Variants in GRIN2A observed in about 807,000 individuals in gnomAD.
The protein encoded by GRIN2A is glutamate receptor ionotropic, NMDA 2A.
Under a neutral mutation model 113.4 loss-of-function variants are expected in GRIN2A, and 22 were observed. The observed-to-expected ratio is 0.19, with a 90% CI of 0.14 to 0.28. The LOEUF (loss-of-function observed/expected upper bound fraction) is 0.28. Among genes scored for constraint, GRIN2A ranks in the 10% least tolerant of loss-of-function variants. The probability of loss-of-function intolerance (pLI) is 1.00; values close to 1 mark genes in which losing one functional copy is unlikely to be tolerated. For missense variants in GRIN2A, 1,502 were observed against 1,887.0 expected (o/e 0.80, Z 3.78); for synonymous variants, 827 against 738.4 (o/e 1.12, Z -1.94).
intron 11 of GRIN2A, among the ~76,000 whole-genome samples, chr16:9,781,600 A>G (rs1252552078): frequency 6.6e-6 from 1 of 152,074 alleles, no homozygotes. Flanking sequence ...GGCTCAAGCA[A>G]TCCCCCCACC....
chr16:9,793,660 T>A (rs1303434080), intron 11 of GRIN2A, among the ~76,000 whole-genome samples: 1 of 152,220 alleles, frequency 6.6e-6, no homozygotes, highest in Admixed American at 6.5e-5. Context: ...GTTTTCTTTA[T>A]GAATCATTCT....
chr16:9,935,636 G>C (rs565579412), intron 3 of GRIN2A, among the ~76,000 whole-genome samples: 2 of 151,646 alleles, frequency 1.3e-5, no homozygotes, highest in African/African-American at 2.4e-5. Context: ...AAATATTTCA[G>C]AGTGACATAG....
At chr16:10,087,782 G>T (rs544942297) in intron 2 of GRIN2A, among the ~76,000 whole-genome samples, 102 of 151,954 alleles carry the variant, frequency 6.7e-4, no homozygotes, top group African/African-American at 2.3e-3. Context: ...CTCCATCGGG[G>T]CTCAAGTGAT....
chr16:9,810,660 G>T (rs527836798), intron 10 of GRIN2A, among the ~76,000 whole-genome samples: 2 of 152,304 alleles, frequency 1.3e-5, no homozygotes, highest in African/African-American at 2.4e-5. Flanking sequence ...AGGACGCAAA[G>T]AATGGCCCTC....
At chr16:10,014,790 GA>G (rs1372346919) in intron 2 of GRIN2A, among the ~76,000 whole-genome samples, 1 of 152,156 alleles carries the variant, frequency 6.6e-6, no homozygotes, top group Non-Finnish European at 1.5e-5. Flanking sequence ...AGAAGGCCAT[GA>G]ACAAAGAGAC....
intron 2 of GRIN2A, among the ~76,000 whole-genome samples, chr16:9,971,792 G>C (rs565416328): frequency 6.6e-6 from 1 of 151,648 alleles, no homozygotes; most frequent in African/African-American, 2.4e-5. Flanking sequence ...CACCCAAACA[G>C]GTAAAAAATT....
chr16:10,098,938 C>T (rs1296959811), intron 2 of GRIN2A, among the ~76,000 whole-genome samples: 1 of 126,878 alleles, frequency 7.9e-6, no homozygotes. Flanking sequence ...CCCCCTCCCC[C>T]CCCCAAAAAA....
intron 3 of GRIN2A, among the ~76,000 whole-genome samples, chr16:9,900,264 A>G (rs954227071): frequency 6.6e-6 from 1 of 152,156 alleles, no homozygotes; most frequent in Non-Finnish European, 1.5e-5. Flanking sequence ...CCCTACCCCA[A>G]GGAGAGAGGA....
chr16:10,067,649 G>C (rs1437844876), intron 2 of GRIN2A, among the ~76,000 whole-genome samples: 1 of 152,160 alleles, frequency 6.6e-6, no homozygotes, highest in Non-Finnish European at 1.5e-5. Flanking sequence ...TGAGAGGAGT[G>C]GGGTGGGCAG....
chr16:9,991,659 G>A (rs553060301), intron 2 of GRIN2A, among the ~76,000 whole-genome samples: 1 of 152,130 alleles, frequency 6.6e-6, no homozygotes, highest in East Asian at 1.9e-4. Flanking sequence ...ACATTTGACT[G>A]TTTTGGAGTT....
chr16:9,980,477 C>T (rs1301883529), intron 2 of GRIN2A, among the ~76,000 whole-genome samples: 1 of 152,050 alleles, frequency 6.6e-6, no homozygotes, highest in African/African-American at 2.4e-5. Flanking sequence ...CCCAGCCATC[C>T]CATTACTGGG....
rs961572346 is a variant in GRIN2A at position 9,848,623 on chromosome 16, A to C, written c.1328+1133T>G. 4.1e-5 allele frequency among the ~76,000 whole-genome samples: 6 copies of C among 147,692 alleles called. No individual in the cohort carries two copies. In the South Asian group the frequency reaches 1.3e-3, roughly 31 times the overall value. ...AAAATATATGATCTTTTATATTTTT[A>C]ATATATAAAAACATATGGTGTTTTA... On this transcript the variant is annotated intron_variant, in intron 5 of 12. Transcript: ENST00000330684.
In GRIN2A at chr16:9,754,115, A is replaced by G. The variant is rs1409945170; in HGVS notation, c.*9034T>C. ...TCTAATTCTTATTCAAGCTACCAAGAAACTCACCTTATTCTTTCTGAACAT... is the reference window on the plus strand; with the variant it reads ...TCTAATTCTTATTCAAGCTACCAAGGAACTCACCTTATTCTTTCTGAACAT... On this transcript the variant is annotated 3_prime_UTR_variant, in exon 13 of 13. Transcript: ENST00000330684. 5.4e-6 allele frequency: 1 copy of G among 185,780 alleles called. No homozygotes were observed. Among genetic ancestry groups the G allele is most frequent in the Non-Finnish European group, 1.1e-5 (1 of 87,880 alleles). The allele number at this position is 185,780 out of a possible 1,614,324, so 11.5% of individuals were successfully genotyped here.
intron 3 of GRIN2A, among the ~76,000 whole-genome samples, chr16:9,930,683 TG>T (rs1294644897): frequency 6.6e-6 from 1 of 152,214 alleles, no homozygotes; most frequent in Non-Finnish European, 1.5e-5. Context: ...GTTTTAACTC[TG>T]GTCAAGCTCA....
chr16:9,944,759 C>T (rs1363788791), intron 2 of GRIN2A, among the ~76,000 whole-genome samples: 1 of 152,098 alleles, frequency 6.6e-6, no homozygotes, highest in Non-Finnish European at 1.5e-5. Flanking sequence ...GCACAAGCAT[C>T]CCCCCTAGAG....
At chr16:9,983,082 A>G (rs1056576891) in intron 2 of GRIN2A, among the ~76,000 whole-genome samples, 4 of 152,216 alleles carry the variant, frequency 2.6e-5, no homozygotes, top group African/African-American at 9.6e-5. Flanking sequence ...TAATTAGCTT[A>G]TCCATCACCT....
chr16:9,938,595 G>T, intron 2 of GRIN2A, 44 bp from the exon 3 acceptor site: 1 of 1,425,942 alleles, frequency 7.0e-7, no homozygotes, highest in Non-Finnish European at 9.8e-7. Flanking sequence ...GGCAGGAGGT[G>T]GTTTATATAG....
intron 10 of GRIN2A, among the ~76,000 whole-genome samples, chr16:9,800,319 A>G (rs1355398269): frequency 2.0e-5 from 3 of 152,180 alleles, no homozygotes; most frequent in Admixed American, 6.5e-5. Flanking sequence ...AAGTTATTTA[A>G]CGAGGCTGAA....
intron 2 of GRIN2A, among the ~76,000 whole-genome samples, chr16:10,141,257 A>G (rs1182163799): frequency 6.6e-6 from 1 of 152,024 alleles, no homozygotes; most frequent in Non-Finnish European, 1.5e-5. Flanking sequence ...TTGGGAGGAT[A>G]AGGTGGGCGG....
Sources: allele counts gnomAD v4.1 joint callset (sites outside exome capture counted in the v4.1 genomes callset), GRCh38; gene constraint gnomAD v4.1.1; transcripts MANE v1.5; gene names NCBI Gene and HGNC (gene_info 2026-07-23, HGNC 2026-07-21).